PRKCE: variants seen among roughly 807,000 people sequenced by gnomAD.
The protein encoded by PRKCE is protein kinase C epsilon, also known as protein kinase C epsilon type.
PRKCE carries 16 observed loss-of-function variants against 85.4 expected under a neutral mutation model. The ratio of observed to expected loss-of-function variants is 0.19; its 90% CI spans 0.13 to 0.28. PRKCE has a LOEUF of 0.28. PRKCE is among the 10% of genes least tolerant of loss of function. The pLI, the probability that PRKCE is intolerant of heterozygous loss-of-function variation, is 1.00. For synonymous variants in PRKCE, 388 were observed against 371.5 expected (o/e 1.04, Z -0.51); for missense variants, 573 against 975.2 (o/e 0.59, Z 5.49).
intron 1 of PRKCE, among the ~76,000 whole-genome samples, chr2:45,804,241 A>G (rs959421475): frequency 9.9e-5 from 15 of 152,240 alleles, no homozygotes; most frequent in African/African-American, 3.1e-4. Flanking sequence ...AGCAAACCCA[A>G]TGCTGTGTAG....
intron 2 of PRKCE, among the ~76,000 whole-genome samples, chr2:45,939,078 C>T (rs903449073): frequency 6.6e-6 from 1 of 152,094 alleles, no homozygotes; most frequent in South Asian, 2.1e-4. Flanking sequence ...GAGGAGGTGC[C>T]GGGCTATAAA....
chr2:45,763,913 A>G (rs1684711871), intron 1 of PRKCE, among the ~76,000 whole-genome samples: 2 of 152,190 alleles, frequency 1.3e-5, no homozygotes, highest in South Asian at 4.1e-4. Flanking sequence ...GTATGCCTGC[A>G]GTTTCTCCAC....
chr2:45,813,937 G>A (rs552857087), intron 1 of PRKCE, among the ~76,000 whole-genome samples: 20 of 152,126 alleles, frequency 1.3e-4, no homozygotes, highest in Non-Finnish European at 2.1e-4. Context: ...TCCAAGACAC[G>A]TGCAGTAAAT....
intron 1 of PRKCE, among the ~76,000 whole-genome samples, chr2:45,800,984 A>G (rs893211314): frequency 6.6e-6 from 1 of 152,216 alleles, no homozygotes; most frequent in African/African-American, 2.4e-5. Context: ...TGCCTGGGAA[A>G]GATTCCTCAA....
intron 11 of PRKCE, 28 bp downstream of exon 11, chr2:46,086,390 G>A (rs776819846): frequency 3.2e-6 from 5 of 1,586,482 alleles, no homozygotes; most frequent in Admixed American, 3.4e-5. Context: ...CCTCTTTCCT[G>A]AAAGTGAAGA....
intron 10 of PRKCE, among the ~76,000 whole-genome samples, chr2:46,054,171 A>G (rs1666339688): frequency 6.6e-6 from 1 of 152,244 alleles, no homozygotes; most frequent in Non-Finnish European, 1.5e-5. Context: ...GAATTCTCAC[A>G]ATAGCCCTAG....
At chr2:45,828,336 G>A (rs1360329442) in intron 1 of PRKCE, among the ~76,000 whole-genome samples, 1 of 152,178 alleles carries the variant, frequency 6.6e-6, no homozygotes, top group Non-Finnish European at 1.5e-5. Context: ...GGAGGCGGAG[G>A]TTGCAGTGAG....
intron 11 of PRKCE, among the ~76,000 whole-genome samples, chr2:46,141,256 C>T (rs1236382132): frequency 6.6e-6 from 1 of 152,168 alleles, no homozygotes; most frequent in Non-Finnish European, 1.5e-5. Flanking sequence ...CCAATAAATA[C>T]AGTGGATTAT....
At chr2:45,825,724 G>A (rs1689891451) in intron 1 of PRKCE, among the ~76,000 whole-genome samples, 2 of 152,018 alleles carry the variant, frequency 1.3e-5, no homozygotes, top group South Asian at 2.1e-4. Flanking sequence ...TCTCTACAAA[G>A]TATGTTAAAA....
intron 1 of PRKCE, among the ~76,000 whole-genome samples, chr2:45,758,409 A>T (rs972388434): frequency 3.3e-5 from 5 of 152,212 alleles, no homozygotes; most frequent in Non-Finnish European, 7.3e-5. Context: ...AAAACAAGCA[A>T]TAGGTACAGC....
chr2:46,003,465 GA>G (rs1177951468), intron 7 of PRKCE, among the ~76,000 whole-genome samples: 1 of 152,190 alleles, frequency 6.6e-6, no homozygotes, highest in Non-Finnish European at 1.5e-5. Flanking sequence ...CAATATATCT[GA>G]AAATATTTAT....
intron 1 of PRKCE, among the ~76,000 whole-genome samples, chr2:45,672,023 A>C (rs957820381): frequency 8.1e-5 from 12 of 148,084 alleles, no homozygotes; most frequent in African/African-American, 3.0e-4. Flanking sequence ...TGATTATGCC[A>C]CTGTACTCTA....
At chr2:45,653,935 A>T (rs1337408659) in intron 1 of PRKCE, among the ~76,000 whole-genome samples, 1 of 152,076 alleles carries the variant, frequency 6.6e-6, no homozygotes, top group Non-Finnish European at 1.5e-5. Context: ...CTCATTCCCC[A>T]TTTCTTTTCC....
At chr2:45,798,590 A>T (rs886657302) in intron 1 of PRKCE, among the ~76,000 whole-genome samples, 1 of 152,250 alleles carries the variant, frequency 6.6e-6, no homozygotes, top group Admixed American at 6.5e-5. Flanking sequence ...AAAAGTGTAA[A>T]GCCAGAGTTT....
At chr2:45,982,291 A>C (rs985336064) in intron 5 of PRKCE, among the ~76,000 whole-genome samples, 10 of 152,190 alleles carry the variant, frequency 6.6e-5, no homozygotes, top group African/African-American at 2.4e-4. Context: ...AACCACCTTT[A>C]ATGTGATGCC....
intron 1 of PRKCE, among the ~76,000 whole-genome samples, chr2:45,777,735 GC>G (rs1685862505): frequency 6.6e-6 from 1 of 152,132 alleles, no homozygotes; most frequent in South Asian, 2.1e-4. Flanking sequence ...TTTGGATTCA[GC>G]CTGACTGCAC....
intron 1 of PRKCE, among the ~76,000 whole-genome samples, chr2:45,800,994 A>G (rs948736175): frequency 3.9e-5 from 6 of 152,190 alleles, no homozygotes; most frequent in Admixed American, 6.5e-5. Context: ...AGATTCCTCA[A>G]CAAGTCTCAG....
At position 45,907,040 on chromosome 2, in the gene PRKCE, T is replaced by C. The variant is rs1319731880; in HGVS notation, c.412+63977T>C. Among the ~76,000 whole-genome samples, 3 of 151,902 alleles carry C rather than the reference T, an allele frequency of 2.0e-5. No homozygotes were observed. Among genetic ancestry groups the C allele is most frequent in the African/African-American group, 7.2e-5 (3 of 41,390 alleles). The stretch of plus-strand genomic sequence containing the variant: ...GGGACCAGGCTGGATGGGGCCCCAG[T>C]TGCTCCAAAATTAGGCGTCGGAGGT... On this transcript the variant is annotated intron_variant, in intron 2 of 14. Transcript: ENST00000306156. The surrounding 1 kb of genome is among the most constrained non-coding windows in gnomAD (Gnocchi z 4.5).
intron 1 of PRKCE, among the ~76,000 whole-genome samples, chr2:45,829,156 T>C (rs1190741248): frequency 2.6e-5 from 4 of 152,246 alleles, no homozygotes; most frequent in African/African-American, 9.6e-5. Flanking sequence ...ATTATTCTTA[T>C]AGTTAAATCT....
Sources: gnomAD v4.1 joint callset for allele counts (sites outside exome capture counted in the v4.1 genomes callset) on GRCh38, gnomAD v4.1.1 for gene constraint, Gnocchi (gnomAD v3.1) non-coding constraint, MANE v1.5 for transcripts, NCBI Gene and HGNC (gene_info 2026-07-23, HGNC 2026-07-21) for gene names.